GUCY2C: variants seen among roughly 807,000 people sequenced by gnomAD.
The protein encoded by GUCY2C is guanylate cyclase 2C.
In GUCY2C, 118 loss-of-function variants were observed where a neutral mutation model predicts 131.1. That is an observed-to-expected ratio of 0.90 (90% CI 0.78 to 1.05). The LOEUF (loss-of-function observed/expected upper bound fraction) is 1.05, where lower values mean the gene tolerates loss of function less well. GUCY2C is among the 50% of genes least tolerant of loss of function. GUCY2C has a pLI of 0.00. For synonymous variants in GUCY2C, 452 were observed against 457.8 expected (o/e 0.99, Z 0.16); for missense variants, 1,161 against 1,304.4 (o/e 0.89, Z 1.69).
chr12:14,690,875 G>A (rs184550720), intron 1 of GUCY2C, among the ~76,000 whole-genome samples: 263 of 152,284 alleles, frequency 1.7e-3, no homozygotes, highest in Admixed American at 3.1e-3. Context: ...AGTCTAGAGG[G>A]AGTCTGGAAA....
At chr12:14,688,816 G>A (rs1948525959) in intron 1 of GUCY2C, among the ~76,000 whole-genome samples, 1 of 152,216 alleles carries the variant, frequency 6.6e-6, no homozygotes, top group Non-Finnish European at 1.5e-5. Flanking sequence ...TGGTCAGAGG[G>A]AACAGCAAGG....
At chr12:14,651,834 A>G (rs1264517100) in intron 14 of GUCY2C, 125 bp downstream of exon 14, 3 of 617,948 alleles carry the variant, frequency 4.9e-6, no homozygotes, top group Non-Finnish European at 5.8e-6. Context: ...TTTCAACAAG[A>G]AATATAGTCA....
intron 15 of GUCY2C, among the ~76,000 whole-genome samples, chr12:14,649,071 C>T (rs536048908): frequency 7.5e-4 from 114 of 152,236 alleles, no homozygotes; most frequent in Middle Eastern, 3.4e-3. Flanking sequence ...CTTCCCTGAG[C>T]TATGGTTTCA....
Position 14,651,414 on chromosome 12 carries a change from G to A in GUCY2C, c.1703C>T (p.Ser568Phe), listed in dbSNP as rs1366845328. 3.3e-6 allele frequency: 5 copies of A among 1,493,366 alleles called. No individual in the cohort carries two copies. Among genetic ancestry groups the A allele is most frequent in the Non-Finnish European group, 4.7e-6 (5 of 1,071,130 alleles). The allele number at this position is 1,493,366 out of a possible 1,614,324, so 92.5% of individuals were successfully genotyped here. ...ATGACCATGGTTTCTTACCCGGAGG[G>A]ATCCTCTCTCACAGTATTCTATCAC... The part of the protein sequence containing the change: ...FGVIEYCERG[S>F]LREVLNDTIS... The change falls in exon 15 of 27, where the codon TCC (serine) becomes TTC (phenylalanine). Residue 568 changes from serine (S) to phenylalanine (F), a missense_variant. Ser to Phe is a radical substitution (Grantham distance 155). Coordinates refer to ENST00000261170, the MANE Select transcript of GUCY2C (RefSeq NM_004963.4).
At chr12:14,678,173 C>A (rs913924891) in intron 6 of GUCY2C, among the ~76,000 whole-genome samples, 7 of 152,138 alleles carry the variant, frequency 4.6e-5, no homozygotes, top group African/African-American at 1.4e-4. Flanking sequence ...TATTTTACTC[C>A]TATTATCACA....
At position 14,622,101 on chromosome 12, in the gene GUCY2C, AG is replaced by A; in HGVS notation, c.2504del (p.Thr835IlefsTer57). 1 of 1,609,016 alleles carries A rather than the reference AG, an allele frequency of 6.2e-7. No individual in the cohort carries two copies. Among genetic ancestry groups the A allele is most frequent in the South Asian group, 1.1e-5 (1 of 90,172 alleles). On this transcript the variant is annotated frameshift_variant, in exon 22 of 27. Transcript: ENST00000261170. LOFTEE classifies it high-confidence loss of function. ...IYFSDIVGFT[T>X]ICKYSTPMEV... Reference sequence around the variant, plus strand: ...CCATGGGGGTGCTGTATTTGCAGATAGTAGTGAAACCTACAATGTCACTGAA... The same window carrying A: ...CCATGGGGGTGCTGTATTTGCAGATATAGTGAAACCTACAATGTCACTGAA...
intron 11 of GUCY2C, among the ~76,000 whole-genome samples, chr12:14,658,187 A>G (rs768520620): frequency 1.3e-5 from 2 of 152,130 alleles, no homozygotes; most frequent in Admixed American, 6.5e-5. Flanking sequence ...GTTAACTTAC[A>G]TAAGTTCTTA....
intron 17 of GUCY2C, 126 bp downstream of exon 17, chr12:14,643,448 C>T: frequency 1.3e-6 from 1 of 751,786 alleles, no homozygotes; most frequent in South Asian, 1.8e-5. Flanking sequence ...GAGAATGAGC[C>T]AGCTGTTGTC....
At chr12:14,670,312 A>G (rs969198322) in intron 9 of GUCY2C, among the ~76,000 whole-genome samples, 3 of 152,186 alleles carry the variant, frequency 2.0e-5, no homozygotes, top group Non-Finnish European at 4.4e-5. Context: ...TGAAATAACT[A>G]CATTTCTTAA....
At chr12:14,631,713 C>A (rs1349678925) in intron 19 of GUCY2C, among the ~76,000 whole-genome samples, 2 of 146,146 alleles carry the variant, frequency 1.4e-5, no homozygotes, top group South Asian at 2.3e-4. Context: ...GTCTTTATAG[C>A]AGCATGATTT....
Position 14,683,240 on chromosome 12 carries a change from C to T in GUCY2C, c.413G>A (p.Ser138Asn). ...TFQMYLDTEL[S>N]YPMISAGSFG... is the part of the protein sequence containing the mutation. ...ACTTCCAGCTGAGATCATGGGGTAG[C>T]TCAATTCTGTGTCAAGGCTATGTCA... The change falls in exon 4 of 27, where the codon AGC becomes AAC. Residue 138 changes from serine to asparagine, a missense_variant. Transcript: ENST00000261170. The T allele has an allele frequency of 6.2e-7, 1 of 1,612,494 alleles. No individual in the cohort carries two copies. The highest frequency in any genetic ancestry group is 1.3e-5 in the African/African-American group (1 of 74,982).
intron 11 of GUCY2C, among the ~76,000 whole-genome samples, chr12:14,657,910 C>G (rs779496300): frequency 6.6e-6 from 1 of 152,150 alleles, no homozygotes; most frequent in Non-Finnish European, 1.5e-5. Context: ...CAGTAGTTAT[C>G]AATTAATTTA....
Position 14,696,348 on chromosome 12 carries a change from C to T in GUCY2C, c.101G>A (p.Ser34Asn), listed in dbSNP as rs201089497. 5 of 1,614,106 alleles carry T rather than the reference C, an allele frequency of 3.1e-6. No individual in the cohort carries two copies. In the African/African-American group the frequency reaches 4.0e-5, roughly 13 times the overall value. ...SQVSQNCHNG[S>N]YEISVLMMGN... ...CATCATCAGGACGCTGATTTCATAGCTGCCATTGTGGCAGTTCTGACTCAC... is the reference window on the plus strand; with the variant it reads ...CATCATCAGGACGCTGATTTCATAGTTGCCATTGTGGCAGTTCTGACTCAC... The change falls in exon 1 of 27, where the codon AGC becomes AAC. Residue 34 changes from serine (S) to asparagine (N), a missense_variant. By Grantham distance (46) the Ser-to-Asn change is conservative. Coordinates refer to ENST00000261170, the MANE Select transcript of GUCY2C (RefSeq NM_004963.4).
chr12:14,676,438 A>G (rs922733390), intron 7 of GUCY2C, among the ~76,000 whole-genome samples: 10 of 152,374 alleles, frequency 6.6e-5, no homozygotes, highest in Non-Finnish European at 1.2e-4. Context: ...TAGGATTTTA[A>G]TATCAGTGAC....
chr12:14,655,002 A>G (rs79278959), intron 12 of GUCY2C, among the ~76,000 whole-genome samples: 5,711 of 152,278 alleles, frequency 0.038, 350 homozygotes, highest in African/African-American at 0.13. Flanking sequence ...AATCACAGGA[A>G]GCTAACTGAA....
chr12:14,648,214 C>T (rs1193458480), intron 15 of GUCY2C, among the ~76,000 whole-genome samples: 2 of 151,908 alleles, frequency 1.3e-5, no homozygotes, highest in African/African-American at 4.8e-5. Context: ...CCCGCCTCTG[C>T]CTCCCAAAGT....
intron 1 of GUCY2C, among the ~76,000 whole-genome samples, chr12:14,693,266 G>A (rs572547312): frequency 6.6e-6 from 1 of 152,226 alleles, no homozygotes; most frequent in East Asian, 1.9e-4. Flanking sequence ...GGACCAACAT[G>A]AAGCTAAAAC....
intron 1 of GUCY2C, among the ~76,000 whole-genome samples, chr12:14,688,937 G>A (rs1479741178): frequency 6.6e-6 from 1 of 152,212 alleles, no homozygotes; most frequent in Non-Finnish European, 1.5e-5. Flanking sequence ...AGGTCAGAGT[G>A]AGGCCACACC....
At chr12:14,622,797 A>G (rs1188840735) in intron 21 of GUCY2C, among the ~76,000 whole-genome samples, 1 of 152,244 alleles carries the variant, frequency 6.6e-6, no homozygotes, top group Non-Finnish European at 1.5e-5. Flanking sequence ...AATCATGTAA[A>G]TAAATTAAAT....
Sources: allele counts gnomAD v4.1 joint callset (sites outside exome capture counted in the v4.1 genomes callset), GRCh38; gene constraint gnomAD v4.1.1; transcripts MANE v1.5; gene names NCBI Gene and HGNC (gene_info 2026-07-23, HGNC 2026-07-21).